Variants in CACNG5 observed in about 807,000 individuals in gnomAD.
The protein encoded by CACNG5 is voltage-dependent calcium channel gamma-5 subunit.
Under a neutral mutation model 24.8 loss-of-function variants are expected in CACNG5, and 18 were observed. The ratio of observed to expected loss-of-function variants is 0.73; its 90% CI spans 0.50 to 1.08. CACNG5 has a LOEUF of 1.08. Among genes scored for constraint, CACNG5 ranks in the 50% least tolerant of loss-of-function variants. CACNG5 has a pLI of 0.00. For missense variants in CACNG5, 349 were observed against 367.9 expected (o/e 0.95, Z 0.42); for synonymous variants, 157 against 149.1 (o/e 1.05, Z -0.39).
chr17:66,839,291 TC>T (rs35470186), intron 1 of CACNG5, among the ~76,000 whole-genome samples: 73,628 of 151,612 alleles, frequency 0.49, 18,734 homozygotes, highest in East Asian at 0.89. Context: ...CAAAAATGTC[TC>T]CAGAGATTGC....
At chr17:66,873,353 T>C (rs1977036349) in intron 1 of CACNG5, among the ~76,000 whole-genome samples, 1 of 152,172 alleles carries the variant, frequency 6.6e-6, no homozygotes, top group African/African-American at 2.4e-5. Context: ...GATGAAACTT[T>C]TTGGTTTTCC....
intron 2 of CACNG5, 75 bp downstream of exon 2, chr17:66,877,603 G>C: frequency 7.8e-7 from 1 of 1,277,394 alleles, no homozygotes; most frequent in Non-Finnish European, 1.1e-6. Context: ...CCTGGGAAGA[G>C]ATGGCCAAGA....
At chr17:66,842,852 C>T (rs1976586503) in intron 1 of CACNG5, among the ~76,000 whole-genome samples, 1 of 152,174 alleles carries the variant, frequency 6.6e-6, no homozygotes, top group African/African-American at 2.4e-5. Context: ...AGGACCACTC[C>T]TAGGGTAGAG....
At chr17:66,855,853 C>T (rs530576424) in intron 1 of CACNG5, among the ~76,000 whole-genome samples, 2 of 152,336 alleles carry the variant, frequency 1.3e-5, no homozygotes, top group South Asian at 4.1e-4. Context: ...AGGATAGACA[C>T]ATTCATCCAC....
intron 1 of CACNG5, among the ~76,000 whole-genome samples, chr17:66,849,182 T>G (rs1223598383): frequency 1.3e-5 from 2 of 152,184 alleles, no homozygotes; most frequent in African/African-American, 4.8e-5. Flanking sequence ...AGAGACATCA[T>G]TCCCGGTGAT....
intron 1 of CACNG5, among the ~76,000 whole-genome samples, chr17:66,867,316 T>A (rs950501908): frequency 3.3e-5 from 5 of 152,170 alleles, no homozygotes; most frequent in African/African-American, 1.2e-4. Context: ...TTTATGGGGT[T>A]GTTTGTTTTT....
intron 1 of CACNG5, among the ~76,000 whole-genome samples, chr17:66,848,555 C>G (rs1400382320): frequency 6.6e-6 from 1 of 152,228 alleles, no homozygotes; most frequent in Non-Finnish European, 1.5e-5. Flanking sequence ...CAGATTCAGA[C>G]TAAAGTGTTA....
intron 1 of CACNG5, among the ~76,000 whole-genome samples, chr17:66,844,313 G>T (rs1976607630): frequency 6.6e-6 from 1 of 152,192 alleles, no homozygotes. Flanking sequence ...CATATGCACT[G>T]TGCAGTGGAC....
Position 66,891,605 on chromosome 17 carries a change from G to A in CACNG5, c.*6365G>A, listed in dbSNP as rs1459125445. Among the ~76,000 whole-genome samples, 1 of 152,226 alleles carries A rather than the reference G, an allele frequency of 6.6e-6. No homozygotes were observed. The highest frequency in any genetic ancestry group is 1.9e-4 in the East Asian group (1 of 5,196). On this transcript the variant is annotated 3_prime_UTR_variant, in exon 6 of 6. Transcript: ENST00000533854. ...GAGTGAGGGTCCCAAGAGACAGGCA[G>A]AAGCTTCATTGCCTTTCTGGAAGCA... is the stretch of plus-strand genomic sequence containing the variant.
In CACNG5 at chr17:66,858,627, G is replaced by A. The variant is rs978670154; in HGVS notation, c.-103-18603G>A. 4.6e-5 allele frequency among the ~76,000 whole-genome samples: 7 copies of A among 152,008 alleles called. No homozygotes were observed. The East Asian group carries it at 7.7e-4, about 17-fold the overall frequency. On this transcript the variant is annotated intron_variant, in intron 1 of 5. Coordinates refer to ENST00000533854, the MANE Select transcript of CACNG5 (RefSeq NM_145811.3). ...TTCTTTTTCCAGACCAGTGCTCTCC[G>A]ATGCCCAGCAGCACATTGCTGGCTG... is the stretch of plus-strand genomic sequence containing the variant.
In CACNG5 at chr17:66,891,387, G is replaced by A. The variant is rs1473315285; in HGVS notation, c.*6147G>A. Among the ~76,000 whole-genome samples the A allele has an allele frequency of 6.6e-6, 1 of 152,204 alleles. No homozygotes were observed. Among genetic ancestry groups the A allele is most frequent in the Non-Finnish European group, 1.5e-5 (1 of 68,040 alleles). On this transcript the variant is annotated 3_prime_UTR_variant, in exon 6 of 6. Transcript: ENST00000533854. ...CAGCTTTAGGGGTTGGCTGGGCTCAGCAAGGCAGTTCTCACTCAGGATCTC... is the reference window on the plus strand; with the variant it reads ...CAGCTTTAGGGGTTGGCTGGGCTCAACAAGGCAGTTCTCACTCAGGATCTC...
chr17:66,866,147 A>G (rs1447518172), intron 1 of CACNG5, among the ~76,000 whole-genome samples: 3 of 152,212 alleles, frequency 2.0e-5, no homozygotes, highest in South Asian at 4.1e-4. Context: ...AAATGGCTAC[A>G]TCAATTTTGG....
chr17:66,879,564 T>C (rs1285298053), intron 3 of CACNG5, among the ~76,000 whole-genome samples: 1 of 152,052 alleles, frequency 6.6e-6, no homozygotes, highest in Non-Finnish European at 1.5e-5. Flanking sequence ...ATTGCAAAAA[T>C]GACTCACAGA....
rs535694911 is a variant in CACNG5 at position 66,885,534 on chromosome 17, A to G, written c.*294A>G. ...TCCAGGAAGCCAGCAGCTCCCCCCA[A>G]GCCCAGGAGACACCGATGTTCCCTT... On this transcript the variant is annotated 3_prime_UTR_variant, in exon 6 of 6. Transcript: ENST00000533854. The G allele has an allele frequency of 9.9e-6, 4 of 404,744 alleles. No individual in the cohort carries two copies. The highest frequency in any genetic ancestry group is 6.0e-5 in the African/African-American group (3 of 49,836). 25.1% of individuals were successfully genotyped at this position (404,744 alleles called of 1,614,324 possible).
intron 1 of CACNG5, among the ~76,000 whole-genome samples, chr17:66,850,681 G>C (rs1177377615): frequency 1.3e-5 from 2 of 151,992 alleles, no homozygotes; most frequent in Non-Finnish European, 2.9e-5. Flanking sequence ...CAGAAGAATA[G>C]AAAGAGGCAG....
chr17:66,840,008 T>C (rs964994023), intron 1 of CACNG5, among the ~76,000 whole-genome samples: 8 of 152,198 alleles, frequency 5.3e-5, no homozygotes, highest in African/African-American at 1.4e-4. Context: ...CACACAGAAC[T>C]GAGTTCAAAT....
At chr17:66,840,155 T>G (rs1356294666) in intron 1 of CACNG5, among the ~76,000 whole-genome samples, 1 of 152,184 alleles carries the variant, frequency 6.6e-6, no homozygotes, top group Non-Finnish European at 1.5e-5. Flanking sequence ...GCCCCCTCAC[T>G]GGCCCCCTCT....
intron 1 of CACNG5, among the ~76,000 whole-genome samples, chr17:66,870,823 T>C (rs1169998745): frequency 6.6e-6 from 1 of 151,982 alleles, no homozygotes; most frequent in Non-Finnish European, 1.5e-5. Flanking sequence ...TATTTAAAAA[T>C]ACAAAAATTA....
chr17:66,841,650 C>T (rs1976570083), intron 1 of CACNG5, among the ~76,000 whole-genome samples: 2 of 152,164 alleles, frequency 1.3e-5, no homozygotes, highest in African/African-American at 4.8e-5. Context: ...CAGGAGGAGC[C>T]CTGGCTTCAG....
Sources: gnomAD v4.1 joint callset for allele counts (sites outside exome capture counted in the v4.1 genomes callset) on GRCh38, gnomAD v4.1.1 for gene constraint, MANE v1.5 for transcripts, NCBI Gene and HGNC (gene_info 2026-07-23, HGNC 2026-07-21) for gene names.